APAF1: variants seen among roughly 807,000 people sequenced by gnomAD.
APAF1 encodes the protein apoptotic protease-activating factor 1.
A neutral mutation model predicts 152.4 loss-of-function variants in APAF1; 91 were observed. The ratio of observed to expected loss-of-function variants is 0.60; its 90% CI spans 0.50 to 0.71. The LOEUF is 0.71. APAF1 is among the 30% of genes least tolerant of loss of function. The pLI, the probability that APAF1 is intolerant of heterozygous loss-of-function variation, is 0.00. For missense variants in APAF1, 1,283 were observed against 1,472.0 expected (o/e 0.87, Z 2.10); for synonymous variants, 484 against 494.1 (o/e 0.98, Z 0.27).
At chr12:98,663,452 G>A (rs933848654) in intron 7 of APAF1, among the ~76,000 whole-genome samples, 2 of 151,992 alleles carry the variant, frequency 1.3e-5, no homozygotes, top group East Asian at 3.9e-4. Flanking sequence ...TGCCTCAAAT[G>A]ATCCTCCTGC....
chr12:98,659,318 A>G lies in APAF1; in HGVS notation c.685A>G (p.Ile229Val), dbSNP rs1296482581. The change falls in exon 5 of 27, where the codon ATT (isoleucine) becomes GTT (valine). Residue 229 changes from isoleucine to valine, a missense_variant. Coordinates refer to ENST00000551964, the MANE Select transcript of APAF1 (RefSeq NM_181861.2). Reference sequence around the variant, plus strand: ...TGAAGAGGCTAAAGACCGTCTCCGCATTCTGATGCTTCGCAAACACCCAAG... The same window carrying G: ...TGAAGAGGCTAAAGACCGTCTCCGCGTTCTGATGCTTCGCAAACACCCAAG... ...NIEEAKDRLRILMLRKHPRSL... is the reference protein window; with the variant it reads ...NIEEAKDRLRVLMLRKHPRSL... 1 of 1,614,188 alleles carries G rather than the reference A, an allele frequency of 6.2e-7. No homozygotes were observed. Among genetic ancestry groups the G allele is most frequent in the African/African-American group, 1.3e-5 (1 of 75,040 alleles).
intron 17 of APAF1, 112 bp downstream of exon 17, chr12:98,699,681 T>C: frequency 8.0e-7 from 1 of 1,245,562 alleles, no homozygotes; most frequent in Non-Finnish European, 1.1e-6. Flanking sequence ...CTGTGTGATT[T>C]TGGGCAGTCT....
chr12:98,723,909 A>C, intron 24 of APAF1, 145 bp downstream of exon 24: 3 of 847,496 alleles, frequency 3.5e-6, no homozygotes, highest in Non-Finnish European at 5.8e-6. Flanking sequence ...GCCCATTGGC[A>C]TTTAGTTGGT....
In APAF1 at chr12:98,665,554, C is replaced by T; in HGVS notation, c.957C>T (p.Gly319=). 1 of 1,606,366 alleles carries T rather than the reference C, an allele frequency of 6.2e-7. No homozygotes were observed. Among genetic ancestry groups the T allele is most frequent in the Non-Finnish European group, 8.5e-7 (1 of 1,173,844 alleles). ...QAHSIIKECK[G]SPLVVSLIGA... is the part of the protein sequence containing the mutation. ...AGTGACTTCATTTTTTTTTTAAAGG[C>T]TCTCCCCTTGTAGTATCTTTAATTG... The change falls in exon 8 of 27, where the codon GGC becomes GGT. Residue 319 remains glycine, a splice_region_variant and synonymous_variant. Transcript: ENST00000551964.
intron 17 of APAF1, among the ~76,000 whole-genome samples, chr12:98,701,050 A>G (rs1344618270): frequency 2.0e-5 from 3 of 152,080 alleles, no homozygotes; most frequent in African/African-American, 7.2e-5. Flanking sequence ...GTTGTAACCA[A>G]TGTACAGATC....
rs1041445824 is a variant in APAF1 at position 98,675,399 on chromosome 12, G to T, written c.1794-2026G>T. On this transcript the variant is annotated intron_variant, in intron 12 of 26. Transcript: ENST00000551964. ...AAATCTAATCCTCTTAACTTTGCTA[G>T]AACTTATCTGTTCTTCTAGTTGTCA... Among the ~76,000 whole-genome samples the T allele has an allele frequency of 9.9e-5, 15 of 152,120 alleles. 1 individual carries two copies. Among genetic ancestry groups the T allele is most frequent in the African/African-American group, 3.6e-4 (15 of 41,426 alleles).
In APAF1 at chr12:98,660,952, A is replaced by G. The variant is rs186684172; in HGVS notation, c.711-1504A>G. On this transcript the variant is annotated intron_variant, in intron 5 of 26. Transcript: ENST00000551964. The stretch of plus-strand genomic sequence containing the variant: ...TAGGTGATTCTGATGCATATTCGTT[A>G]TATTTTTATGGTGCAATCTCTGCTC... Among the ~76,000 whole-genome samples, 39 of 152,224 alleles carry G rather than the reference A, an allele frequency of 2.6e-4. 1 individual carries two copies. The highest frequency in any genetic ancestry group is 1.9e-3 in the Admixed American group (29 of 15,274).
At chr12:98,666,711 T>C (rs969948364) in intron 9 of APAF1, among the ~76,000 whole-genome samples, 1 of 152,212 alleles carries the variant, frequency 6.6e-6, no homozygotes, top group Non-Finnish European at 1.5e-5. Context: ...GAGTACTGGC[T>C]AGTAATTTTG....
At chr12:98,724,204 C>G (rs2097747095) in intron 24 of APAF1, among the ~76,000 whole-genome samples, 1 of 152,186 alleles carries the variant, frequency 6.6e-6, no homozygotes, top group African/African-American at 2.4e-5. Context: ...TCTTTCCAAA[C>G]TATAAACCTT....
intron 12 of APAF1, among the ~76,000 whole-genome samples, chr12:98,675,200 A>G (rs961625794): frequency 3.3e-5 from 5 of 152,318 alleles, no homozygotes; most frequent in Middle Eastern, 3.4e-3. Flanking sequence ...TTAGGTTGGT[A>G]TAAGCTTAAA....
chr12:98,723,573 T>A, intron 23 of APAF1, 66 bp from the exon 24 acceptor site: 4 of 1,436,606 alleles, frequency 2.8e-6, no homozygotes, highest in Non-Finnish European at 3.8e-6. Flanking sequence ...TGTAGCTGAT[T>A]ATGCTTTTTA....
intron 12 of APAF1, among the ~76,000 whole-genome samples, chr12:98,672,001 G>T (rs973142879): frequency 2.0e-5 from 3 of 152,136 alleles, no homozygotes; most frequent in African/African-American, 7.2e-5. Context: ...TAGTATAGTG[G>T]TGAGGAGCAT....
intron 22 of APAF1, among the ~76,000 whole-genome samples, chr12:98,716,609 C>T (rs1466550204): frequency 1.3e-5 from 2 of 152,194 alleles, no homozygotes; most frequent in Non-Finnish European, 2.9e-5. Context: ...ATTTTATCCC[C>T]AGAATCTTGA....
intron 19 of APAF1, among the ~76,000 whole-genome samples, chr12:98,707,114 GC>G (rs2097722202): frequency 6.6e-6 from 1 of 151,768 alleles, no homozygotes; most frequent in Admixed American, 6.6e-5. Context: ...CATGTACAAT[GC>G]AGTCATGTCA....
Position 98,677,409 on chromosome 12 carries a change from T to C in APAF1, c.1794-16T>C. The C allele has an allele frequency of 6.2e-7, 1 of 1,613,490 alleles. No homozygotes were observed. The highest frequency in any genetic ancestry group is 1.1e-5 in the South Asian group (1 of 91,054). On this transcript the variant is annotated splice_polypyrimidine_tract_variant and intron_variant, in intron 12 of 26. Coordinates refer to ENST00000551964, the MANE Select transcript of APAF1 (RefSeq NM_181861.2). ...CTCATTTATTTAATTTCTGTTCATT[T>C]TTTCCCTGTATTTAGAAACAAAAAA...
At chr12:98,691,455 C>T (rs1328222831) in intron 16 of APAF1, among the ~76,000 whole-genome samples, 1 of 152,110 alleles carries the variant, frequency 6.6e-6, no homozygotes, top group Non-Finnish European at 1.5e-5. Context: ...TTTTCTCTTT[C>T]CCTTCATGAC....
At chr12:98,696,947 A>G (rs949418998) in intron 16 of APAF1, among the ~76,000 whole-genome samples, 3 of 152,236 alleles carry the variant, frequency 2.0e-5, no homozygotes, top group Admixed American at 6.5e-5. Context: ...TGGAGAGAAC[A>G]TAAGTGAACA....
intron 16 of APAF1, among the ~76,000 whole-genome samples, chr12:98,695,757 T>G (rs2097709206): frequency 6.6e-6 from 1 of 152,216 alleles, no homozygotes; most frequent in African/African-American, 2.4e-5. Flanking sequence ...AATGGACTTT[T>G]AAAGATTCCT....
chr12:98,699,976 G>A (rs1337979010), intron 17 of APAF1, among the ~76,000 whole-genome samples: 4 of 152,078 alleles, frequency 2.6e-5, no homozygotes, highest in Non-Finnish European at 4.4e-5. Flanking sequence ...ATTTTTCAAA[G>A]TGTTTTCTTA....
Sources: gnomAD v4.1 joint callset for allele counts (sites outside exome capture counted in the v4.1 genomes callset) on GRCh38, gnomAD v4.1.1 for gene constraint, MANE v1.5 for transcripts, NCBI Gene and HGNC (gene_info 2026-07-23, HGNC 2026-07-21) for gene names.